Variants in CCDC39 observed in about 807,000 individuals in gnomAD.
CCDC39 encodes coiled-coil domain 39 molecular ruler complex subunit.
In CCDC39, 113 loss-of-function variants were observed where a neutral mutation model predicts 121.0. The ratio of observed to expected loss-of-function variants is 0.93; its 90% CI spans 0.80 to 1.09. The LOEUF (loss-of-function observed/expected upper bound fraction) is 1.09. CCDC39 is among the 50% of genes least tolerant of loss of function. CCDC39 has a pLI of 0.00. For synonymous variants in CCDC39, 349 were observed against 352.2 expected (o/e 0.99, Z 0.10); for missense variants, 1,063 against 1,074.7 (o/e 0.99, Z 0.15).
chr3:180,615,012 G>A lies in CCDC39; in HGVS notation c.2735C>T (p.Pro912Leu), dbSNP rs760435440. 6.2e-5 allele frequency: 96 copies of A among 1,559,636 alleles called. No homozygotes were observed. The highest frequency in any genetic ancestry group is 8.1e-5 in the Non-Finnish European group (93 of 1,150,480). The change falls in exon 20 of 20, where the codon CCG becomes CTG. Residue 912 changes from proline to leucine, a missense_variant. Pro to Leu is a moderately conservative substitution (Grantham distance 98). Transcript: ENST00000476379. ...SSIKVLELKF[P>L]ASSSLVGSPS... Reference sequence around the variant, plus strand: ...GCTGCCTACTAGTGAAGAGGAGGCCGGGAATTTAAGCTCCAGTACTTTAAT... The same window carrying A: ...GCTGCCTACTAGTGAAGAGGAGGCCAGGAATTTAAGCTCCAGTACTTTAAT...
chr3:180,644,967 ACG>A (rs1718037899), intron 11 of CCDC39, among the ~76,000 whole-genome samples: 1 of 152,130 alleles, frequency 6.6e-6, no homozygotes, highest in Admixed American at 6.5e-5. Flanking sequence ...GTTTGATTCT[ACG>A]CAAGTCCCAG....
intron 15 of CCDC39, 105 bp from the exon 16 acceptor site, chr3:180,619,470 A>AT: frequency 3.0e-6 from 2 of 674,600 alleles, no homozygotes; most frequent in Non-Finnish European, 5.1e-6. Flanking sequence ...GAAAGTTTAA[A>AT]TTTTTTATAT....
chr3:180,654,879 A>T lies in CCDC39; in HGVS notation c.813T>A (p.Ser271Arg), dbSNP rs754453046. 1 of 1,595,146 alleles carries T rather than the reference A, an allele frequency of 6.3e-7. No individual in the cohort carries two copies. The highest frequency in any genetic ancestry group is 1.2e-5 in the South Asian group (1 of 85,854). ...LVKEKIKFLE[S>R]EIGNNTEFEK... The stretch of plus-strand genomic sequence containing the variant: ...CAAACTCTGTGTTATTCCCAATCTC[A>T]CTTTCCAAAAACTTGATCTTTTCTT... Residue 271 changes from serine (S) to arginine (R), a missense_variant, in exon 7 of 20, where the codon AGT becomes AGA. Physicochemically the swap from Ser to Arg is moderately radical, Grantham distance 110. Transcript: ENST00000476379.
intron 1 of CCDC39, among the ~76,000 whole-genome samples, chr3:180,669,743 G>A (rs1188222093): frequency 6.6e-6 from 1 of 151,866 alleles, no homozygotes; most frequent in Non-Finnish European, 1.5e-5. Context: ...GAGGGGTCCT[G>A]TAATTGTCCT....
intron 12 of CCDC39, among the ~76,000 whole-genome samples, chr3:180,643,274 T>A (rs1284459883): frequency 6.6e-6 from 1 of 152,012 alleles, no homozygotes; most frequent in Non-Finnish European, 1.5e-5. Context: ...AGACAATATT[T>A]TTACATATGA....
At chr3:180,646,269 T>C (rs1336903808) in intron 11 of CCDC39, among the ~76,000 whole-genome samples, 2 of 151,864 alleles carry the variant, frequency 1.3e-5, no homozygotes, top group Non-Finnish European at 2.9e-5. Flanking sequence ...CAAAATTTTG[T>C]CTTCTTAAGA....
intron 1 of CCDC39, among the ~76,000 whole-genome samples, chr3:180,675,500 A>T (rs1182120148): frequency 6.6e-6 from 1 of 151,876 alleles, no homozygotes; most frequent in East Asian, 1.9e-4. Flanking sequence ...CTCTGATCTT[A>T]ATTATTTCTT....
intron 3 of CCDC39, among the ~76,000 whole-genome samples, chr3:180,661,213 G>A (rs377252434): frequency 2.0e-5 from 3 of 151,852 alleles, no homozygotes; most frequent in South Asian, 4.2e-4. Context: ...AGTAAATATA[G>A]TAAAAGAGAT....
intron 13 of CCDC39, among the ~76,000 whole-genome samples, chr3:180,637,683 A>G (rs1233834434): frequency 6.6e-6 from 1 of 152,048 alleles, no homozygotes; most frequent in Non-Finnish European, 1.5e-5. Context: ...CAACCTAAAC[A>G]CCCATCAATG....
intron 1 of CCDC39, among the ~76,000 whole-genome samples, chr3:180,665,364 A>G (rs1711847329): frequency 6.6e-6 from 1 of 152,186 alleles, no homozygotes; most frequent in Admixed American, 6.5e-5. Flanking sequence ...AAATAAAAAT[A>G]TGCTTTCTTG....
intron 2 of CCDC39, 34 bp from the exon 3 acceptor site, chr3:180,662,041 AAAATTTTAG>A: frequency 6.6e-7 from 1 of 1,506,324 alleles, no homozygotes; most frequent in South Asian, 1.3e-5. Context: ...AAAGGCTTTT[AAAATTTTAG>A]AAATTTTGAA....
chr3:180,620,374 G>T (rs1420632042), intron 14 of CCDC39, among the ~76,000 whole-genome samples: 2 of 151,444 alleles, frequency 1.3e-5, no homozygotes, highest in East Asian at 1.9e-4. Flanking sequence ...CAAAATTTAG[G>T]AGTAAAAGAG....
chr3:180,648,113 A>G, intron 10 of CCDC39, 52 bp downstream of exon 10: 1 of 1,428,138 alleles, frequency 7.0e-7, no homozygotes, highest in Non-Finnish European at 9.7e-7. Flanking sequence ...TATCTTGACC[A>G]TCACAACTGT....
At chr3:180,663,352 A>G (rs768384615) in intron 2 of CCDC39, among the ~76,000 whole-genome samples, 5 of 152,176 alleles carry the variant, frequency 3.3e-5, no homozygotes, top group Admixed American at 6.5e-5. Context: ...CTGCTGTCTA[A>G]TACAGATTGT....
intron 3 of CCDC39, among the ~76,000 whole-genome samples, chr3:180,660,958 G>C (rs1186294427): frequency 6.6e-6 from 1 of 151,980 alleles, no homozygotes; most frequent in Non-Finnish European, 1.5e-5. Context: ...ACTATACAAA[G>C]TCAAGAACAG....
chr3:180,643,023 G>A (rs1258847604), intron 12 of CCDC39, among the ~76,000 whole-genome samples: 3 of 150,976 alleles, frequency 2.0e-5, no homozygotes, highest in Non-Finnish European at 4.4e-5. Flanking sequence ...GCAGTGGTGC[G>A]ATCTCCGCTT....
intron 16 of CCDC39, 59 bp downstream of exon 16, chr3:180,619,200 C>A: frequency 1.3e-6 from 1 of 770,790 alleles, no homozygotes; most frequent in Admixed American, 2.1e-5. Flanking sequence ...ATAGAAGTAG[C>A]AGTAATGATA....
At chr3:180,619,129 T>C (rs1717352652) in intron 16 of CCDC39, 130 bp downstream of exon 16, 2 of 629,190 alleles carry the variant, frequency 3.2e-6, no homozygotes, top group Non-Finnish European at 2.8e-6. Flanking sequence ...TGTTATCTCT[T>C]ACTATCTACT....
At chr3:180,636,550 C>G (rs1717832570) in intron 13 of CCDC39, among the ~76,000 whole-genome samples, 1 of 147,102 alleles carries the variant, frequency 6.8e-6, no homozygotes, top group African/African-American at 2.5e-5. Context: ...GTCAAACTAC[C>G]AATGACATTT....
Sources: allele counts gnomAD v4.1 joint callset (sites outside exome capture counted in the v4.1 genomes callset), GRCh38; gene constraint gnomAD v4.1.1; transcripts MANE v1.5; gene names NCBI Gene and HGNC (gene_info 2026-07-23, HGNC 2026-07-21).